The following CLEC4D variants were observed in gnomAD, a reference collection of about 807,000 sequenced individuals.
CLEC4D encodes C-type lectin domain family 4 member D, also known as C-type (calcium dependent, carbohydrate-recognition domain) lectin, superfamily member 8.
Under a neutral mutation model 21.1 loss-of-function variants are expected in CLEC4D, and 21 were observed. The observed-to-expected ratio is 1.00, with a 90% CI of 0.71 to 1.43. The LOEUF (loss-of-function observed/expected upper bound fraction) is 1.43, where lower values mean the gene tolerates loss of function less well. CLEC4D is among the 40% of genes most tolerant of loss of function. The probability of loss-of-function intolerance (pLI) is 0.00; values close to 1 mark genes in which losing one functional copy is unlikely to be tolerated. For missense variants in CLEC4D, 289 were observed against 260.7 expected (o/e 1.11, Z -0.75); for synonymous variants, 85 against 83.1 (o/e 1.02, Z -0.12).
downstream of CLEC4D, among the ~76,000 whole-genome samples, chr12:8,527,046 AG>A (rs1363520585): frequency 6.6e-6 from 1 of 152,116 alleles, no homozygotes; most frequent in Non-Finnish European, 1.5e-5. Flanking sequence ...GAGGCTGGAG[AG>A]CAGCAAAGAC....
At chr12:8,517,673 G>A (rs1940398737) in intron 2 of CLEC4D, among the ~76,000 whole-genome samples, 1 of 152,132 alleles carries the variant, frequency 6.6e-6, no homozygotes, top group East Asian at 1.9e-4. Context: ...CGGGCCGGAC[G>A]CGGTGGCTCA....
At chr12:8,530,459 C>CAAAAA in the CLEC4D span, among the ~76,000 whole-genome samples, 3 of 87,356 alleles carry the variant, frequency 3.4e-5, no homozygotes, top group Non-Finnish European at 7.2e-5. Flanking sequence ...ATCAAGAAAG[C>CAAAAA]AAAAAAAAAA....
chr12:8,516,786 A>C (rs1260305194), intron 2 of CLEC4D, among the ~76,000 whole-genome samples: 3 of 152,260 alleles, frequency 2.0e-5, no homozygotes, highest in Non-Finnish European at 2.9e-5. Context: ...CTCCAAATGC[A>C]TGGTTGAAAA....
At chr12:8,517,176 A>G (rs981339536) in intron 2 of CLEC4D, among the ~76,000 whole-genome samples, 61 of 152,278 alleles carry the variant, frequency 4.0e-4, no homozygotes, top group Non-Finnish European at 2.9e-5. Context: ...TGTGAAGGCT[A>G]TCTGGGGTTT....
intron 1 of CLEC4D, 75 bp downstream of exon 1, chr12:8,513,835 T>C: frequency 1.3e-6 from 1 of 784,576 alleles, no homozygotes; most frequent in Non-Finnish European, 2.2e-6. Context: ...GAATTGATGG[T>C]AGTTTTAAAG....
rs1217978363 is a variant in CLEC4D, at chr12:8,521,482, T to C, written c.*211T>C. ...TGTAGATAATGTGGTTTTTGTATGG[T>C]GTTTGATGGAAGGAATAATCTTTCT... On this transcript the variant is annotated 3_prime_UTR_variant, in exon 6 of 6. Transcript: ENST00000299665. 4.9e-6 allele frequency: 5 copies of C among 1,028,740 alleles called. No individual in the cohort carries two copies. The highest frequency in any genetic ancestry group is 6.4e-6 in the Non-Finnish European group (5 of 783,332). 63.7% of individuals were successfully genotyped at this position (1,028,740 alleles called of 1,614,324 possible).
In CLEC4D at chr12:8,513,519, T is replaced by C. The variant is rs1940335131; in HGVS notation, c.-214T>C. The C allele has an allele frequency of 8.7e-6, 3 of 345,098 alleles. No homozygotes were observed. The highest frequency in any genetic ancestry group is 1.6e-3 in the Middle Eastern group (2 of 1,272). The allele number at this position is 345,098 out of a possible 1,614,324, so 21.4% of individuals were successfully genotyped here. The stretch of plus-strand genomic sequence containing the variant: ...TTTTTTTTCGCCTCATCTCCCGGAA[T>C]GTATCAAAGGAAACCCCTGTCTTTG... On this transcript the variant is annotated 5_prime_UTR_variant, in exon 1 of 6. An upstream start codon of the reference 5' UTR is lost. Coordinates refer to ENST00000299665, the MANE Select transcript of CLEC4D (RefSeq NM_080387.5).
chr12:8,526,439 C>A (rs1177425091), downstream of CLEC4D, among the ~76,000 whole-genome samples: 1 of 151,954 alleles, frequency 6.6e-6, no homozygotes, highest in East Asian at 1.9e-4. Flanking sequence ...AGTAAAGTGG[C>A]CTTCTAACTC....
downstream of CLEC4D, among the ~76,000 whole-genome samples, chr12:8,524,187 G>C (rs972769017): frequency 6.6e-6 from 1 of 151,936 alleles, no homozygotes; most frequent in African/African-American, 2.4e-5. Context: ...TCCCAGTTTT[G>C]GTATCAGGAT....
chr12:8,527,270 C>T (rs1010751193), downstream of CLEC4D, among the ~76,000 whole-genome samples: 5 of 152,158 alleles, frequency 3.3e-5, no homozygotes, highest in African/African-American at 7.2e-5. Flanking sequence ...CTGGGCTGCC[C>T]GGATTCCTCA....
At position 8,518,232 on chromosome 12, in the gene CLEC4D, C is replaced by A. The variant is rs900741879; in HGVS notation, c.190C>A (p.Leu64Ile). The change falls in exon 3 of 6, where the codon CTC becomes ATC. Residue 64 changes from leucine to isoleucine, a missense_variant. Leu to Ile is a conservative substitution (Grantham distance 5). Transcript: ENST00000299665. ...GCACAAGTTAGAGCACCATGCAAAG[C>A]TCAAATGCATCAAAGAGAAATCAGA... ...GVHKLEHHAKLKCIKEKSELK... is the reference protein window; with the variant it reads ...GVHKLEHHAKIKCIKEKSELK... 3 of 1,416,096 alleles carry A rather than the reference C, an allele frequency of 2.1e-6. No individual in the cohort carries two copies. Among genetic ancestry groups the A allele is most frequent in the Non-Finnish European group, 3.0e-6 (3 of 999,866 alleles). 87.7% of individuals were successfully genotyped at this position (1,416,096 alleles called of 1,614,324 possible).
At chr12:8,519,893 T>C (rs1940435840) in intron 4 of CLEC4D, among the ~76,000 whole-genome samples, 1 of 152,234 alleles carries the variant, frequency 6.6e-6, no homozygotes, top group Admixed American at 6.5e-5. Flanking sequence ...TAATGAAATA[T>C]GCACGCAATT....
chr12:8,515,376 A>C (rs753368200), intron 2 of CLEC4D, 48 bp downstream of exon 2: 29 of 930,560 alleles, frequency 3.1e-5, no homozygotes, highest in Non-Finnish European at 4.8e-5. Context: ...TTATTTCCAA[A>C]CAACTTTTCT....
At chr12:8,514,131 TGACAC>T (rs1940344850) in intron 1 of CLEC4D, among the ~76,000 whole-genome samples, 1 of 152,156 alleles carries the variant, frequency 6.6e-6, no homozygotes, top group Admixed American at 6.5e-5. Context: ...TTGACTTAAG[TGACAC>T]CAGTGGATTT....
chr12:8,520,736 T>C (rs1305830766), intron 5 of CLEC4D, among the ~76,000 whole-genome samples: 1 of 152,206 alleles, frequency 6.6e-6, no homozygotes, highest in African/African-American at 2.4e-5. Flanking sequence ...AAATTTTTTG[T>C]TAGTTATATT....
intron 2 of CLEC4D, among the ~76,000 whole-genome samples, chr12:8,515,746 A>G (rs1940371459): frequency 6.6e-6 from 1 of 151,832 alleles, no homozygotes; most frequent in South Asian, 2.1e-4. Context: ...CCTTTCTTTC[A>G]ACCTCTTTAT....
At position 8,521,446 on chromosome 12, in the gene CLEC4D, G is replaced by A. The variant is rs1050046492; in HGVS notation, c.*175G>A. On this transcript the variant is annotated 3_prime_UTR_variant, in exon 6 of 6. Coordinates refer to ENST00000299665, the MANE Select transcript of CLEC4D (RefSeq NM_080387.5). ...TTCGAGACAACATGTGTGTATGTGT[G>A]TGTGTGTGTGTGTAGATAATGTGGT... 18 of 1,278,112 alleles carry A rather than the reference G, an allele frequency of 1.4e-5. No individual in the cohort carries two copies. The East Asian group carries it at 3.8e-4, about 27-fold the overall frequency. The allele number at this position is 1,278,112 out of a possible 1,614,324, so 79.2% of individuals were successfully genotyped here. A position where few individuals can be genotyped will look rare whatever the true frequency, so the allele number is the denominator to read the frequency against.
At chr12:8,522,703 C>T (rs1263211469), downstream of CLEC4D, among the ~76,000 whole-genome samples, 3 of 152,002 alleles carry the variant, frequency 2.0e-5, no homozygotes, top group Non-Finnish European at 4.4e-5. Flanking sequence ...TAATATTATC[C>T]ATTTTTAATT....
At chr12:8,520,948 T>C (rs778267427) in intron 5 of CLEC4D, among the ~76,000 whole-genome samples, 176 bp from the exon 6 acceptor site, 4 of 152,274 alleles carry the variant, frequency 2.6e-5, no homozygotes, top group Admixed American at 6.5e-5. Flanking sequence ...GAAGCCACAT[T>C]TCAAGTGCTC....
Sources: gnomAD v4.1 joint callset for allele counts (sites outside exome capture counted in the v4.1 genomes callset) on GRCh38, gnomAD v4.1.1 for gene constraint, MANE v1.5 for transcripts, NCBI Gene and HGNC (gene_info 2026-07-23, HGNC 2026-07-21) for gene names.